DCDC2C: variants seen among roughly 807,000 people sequenced by gnomAD.
DCDC2C encodes doublecortin domain containing 2C, also known as doublecortin domain-containing protein 2C.
A neutral mutation model predicts 45.0 loss-of-function variants in DCDC2C; 44 were observed. The observed-to-expected ratio is 0.98, with a 90% CI of 0.77 to 1.26. The LOEUF is 1.26. Among genes scored for constraint, DCDC2C ranks in the 50% most tolerant of loss-of-function variants. DCDC2C has a pLI of 0.00. For missense variants in DCDC2C, 447 were observed against 468.9 expected (o/e 0.95, Z 0.43); for synonymous variants, 187 against 178.8 (o/e 1.05, Z -0.37).
At chr2:3,715,605 T>TCCA (rs398071227) in intron 2 of DCDC2C, among the ~76,000 whole-genome samples, 350 of 152,300 alleles carry the variant, frequency 2.3e-3, no homozygotes, top group Admixed American at 4.3e-3. Flanking sequence ...CATCCATCCA[T>TCCA]TCATCCAATT....
chr2:3,802,443 A>G (rs999132029), intron 10 of DCDC2C, among the ~76,000 whole-genome samples: 6 of 152,228 alleles, frequency 3.9e-5, no homozygotes, highest in South Asian at 2.1e-4. Context: ...TTTTGTCTAT[A>G]GCAAAACACT....
At chr2:3,704,777 C>G (rs921647227) in intron 1 of DCDC2C, among the ~76,000 whole-genome samples, 1 of 149,672 alleles carries the variant, frequency 6.7e-6, no homozygotes, top group Admixed American at 6.7e-5. Context: ...TTGGGCAGTT[C>G]CCATTTGAAA....
At chr2:3,767,699 A>G (rs1670049944) in intron 6 of DCDC2C, 55 bp from the exon 7 acceptor site, 3 of 1,536,750 alleles carry the variant, frequency 2.0e-6, no homozygotes, top group South Asian at 2.5e-5. Flanking sequence ...ACCTGATCGG[A>G]CTCCTTGTAT....
At chr2:3,762,770 C>A (rs1262924891) in intron 6 of DCDC2C, among the ~76,000 whole-genome samples, 1 of 152,126 alleles carries the variant, frequency 6.6e-6, no homozygotes, top group African/African-American at 2.4e-5. Flanking sequence ...GGACAAACAT[C>A]CAAACTATAT....
intron 10 of DCDC2C, among the ~76,000 whole-genome samples, chr2:3,801,810 T>A (rs77318360): frequency 0.039 from 5,969 of 152,340 alleles, 134 homozygotes; most frequent in East Asian, 0.057. Flanking sequence ...CATCTCCTTT[T>A]CTGATCACGG....
intron 2 of DCDC2C, among the ~76,000 whole-genome samples, chr2:3,711,449 A>C (rs1668207128): frequency 6.6e-6 from 1 of 152,220 alleles, no homozygotes; most frequent in South Asian, 2.1e-4. Flanking sequence ...ACACCATGGA[A>C]TACTATGCAG....
chr2:3,746,059 C>G (rs530372848), intron 4 of DCDC2C, among the ~76,000 whole-genome samples: 1 of 152,032 alleles, frequency 6.6e-6, no homozygotes, highest in Non-Finnish European at 1.5e-5. Flanking sequence ...TTGCTGATCT[C>G]GGTTGGAAAA....
chr2:3,713,724 G>A (rs1197233375), intron 2 of DCDC2C, among the ~76,000 whole-genome samples: 1 of 152,182 alleles, frequency 6.6e-6, no homozygotes, highest in African/African-American at 2.4e-5. Flanking sequence ...TTCATGTTAT[G>A]TCATCCCAGG....
chr2:3,815,913 T>C (rs1448656596), intron 10 of DCDC2C, among the ~76,000 whole-genome samples: 2 of 152,232 alleles, frequency 1.3e-5, no homozygotes, highest in Non-Finnish European at 2.9e-5. Flanking sequence ...TGGCTTAGCT[T>C]GGGCTCAGAG....
chr2:3,739,401 C>T (rs1187096825), intron 3 of DCDC2C, among the ~76,000 whole-genome samples: 1 of 152,178 alleles, frequency 6.6e-6, no homozygotes. Flanking sequence ...CTTGGCCTGC[C>T]ACGCCCCCAT....
chr2:3,769,307 C>T lies in DCDC2C; in HGVS notation c.854-4C>T, dbSNP rs749410355. 37 of 1,548,848 alleles carry T rather than the reference C, an allele frequency of 2.4e-5. No individual in the cohort carries two copies. Among genetic ancestry groups the T allele is most frequent in the Admixed American group, 5.9e-5 (3 of 50,956 alleles). Reference sequence around the variant, plus strand: ...AAAAGTTTGTCTGTGTGATTTTCTCCCAGAAGGTGACGTGTATAAAGCACC... The same window carrying T: ...AAAAGTTTGTCTGTGTGATTTTCTCTCAGAAGGTGACGTGTATAAAGCACC... On this transcript the variant is annotated splice_polypyrimidine_tract_variant and splice_region_variant and intron_variant, in intron 7 of 10. Transcript: ENST00000399143.
At chr2:3,803,620 G>T (rs1671163510) in intron 10 of DCDC2C, among the ~76,000 whole-genome samples, 1 of 152,214 alleles carries the variant, frequency 6.6e-6, no homozygotes, top group African/African-American at 2.4e-5. Context: ...ATTTCAAGAT[G>T]CTGCTTCATC....
rs568048671 is a variant in DCDC2C, at chr2:3,811,493, G to A, written c.1065+26393G>A. Reference sequence around the variant, plus strand: ...GGAATTTTTGGGCTGAGATGATGGGGTTTTCTAAATATACAGTCATGTCAT... The same window carrying A: ...GGAATTTTTGGGCTGAGATGATGGGATTTTCTAAATATACAGTCATGTCAT... On this transcript the variant is annotated intron_variant, in intron 10 of 10. Coordinates refer to ENST00000399143, the MANE Select transcript of DCDC2C (RefSeq NM_001287444.2). Among the ~76,000 whole-genome samples the A allele has an allele frequency of 8.5e-4, 129 of 152,250 alleles. 3 individuals are homozygous for A. The highest frequency in any genetic ancestry group is 2.3e-3 in the Admixed American group (35 of 15,288).
intron 8 of DCDC2C, among the ~76,000 whole-genome samples, chr2:3,777,285 T>C (rs764037383): frequency 5.9e-5 from 9 of 152,262 alleles, no homozygotes; most frequent in Non-Finnish European, 1.3e-4. Flanking sequence ...TTACATTCTC[T>C]TTCTGTTCCA....
intron 3 of DCDC2C, among the ~76,000 whole-genome samples, chr2:3,738,391 T>C (rs1052385606): frequency 6.6e-6 from 1 of 152,070 alleles, no homozygotes; most frequent in Non-Finnish European, 1.5e-5. Flanking sequence ...TCTATCAGAT[T>C]GCAAGTTTTT....
intron 10 of DCDC2C, among the ~76,000 whole-genome samples, chr2:3,810,527 T>G (rs1436292403): frequency 1.3e-5 from 2 of 152,266 alleles, no homozygotes; most frequent in African/African-American, 4.8e-5. Flanking sequence ...TCTCCCATTC[T>G]GTAGGTTGCC....
At chr2:3,727,474 A>G (rs1400071109) in intron 3 of DCDC2C, among the ~76,000 whole-genome samples, 2 of 152,052 alleles carry the variant, frequency 1.3e-5, no homozygotes, top group African/African-American at 4.8e-5. Flanking sequence ...TGTTGAAGGG[A>G]AATTTAAAAG....
At chr2:3,807,197 C>T (rs1275048880) in intron 10 of DCDC2C, among the ~76,000 whole-genome samples, 3 of 152,070 alleles carry the variant, frequency 2.0e-5, no homozygotes, top group Non-Finnish European at 4.4e-5. Flanking sequence ...TCTTCCCTAT[C>T]AGATTGGGCA....
chr2:3,824,630 G>T (rs934603893), intron 10 of DCDC2C, among the ~76,000 whole-genome samples: 10 of 152,064 alleles, frequency 6.6e-5, no homozygotes, highest in Non-Finnish European at 1.0e-4. Context: ...TTCTGCTTAG[G>T]GTTGGGGCTG....
Sources: gnomAD v4.1 joint callset for allele counts (sites outside exome capture counted in the v4.1 genomes callset) on GRCh38, gnomAD v4.1.1 for gene constraint, MANE v1.5 for transcripts, NCBI Gene and HGNC (gene_info 2026-07-23, HGNC 2026-07-21) for gene names.